The following MMP28 variants were observed in gnomAD, a reference collection of about 807,000 sequenced individuals.
MMP28 encodes matrix metallopeptidase 28.
A neutral mutation model predicts 60.5 loss-of-function variants in MMP28; 55 were observed. That is an observed-to-expected ratio of 0.91 (90% CI 0.73 to 1.14). The LOEUF is 1.14. Ranked by LOEUF, MMP28 falls within the 50% of genes most tolerant of loss-of-function variation. MMP28 has a pLI of 0.00. For missense variants in MMP28, 686 were observed against 738.3 expected (o/e 0.93, Z 0.82); for synonymous variants, 318 against 312.5 (o/e 1.02, Z -0.18).
intron 1 of MMP28, among the ~76,000 whole-genome samples, chr17:35,787,828 G>A (rs1220918588): frequency 2.7e-5 from 4 of 150,660 alleles, no homozygotes; most frequent in African/African-American, 7.3e-5. Context: ...TTCTGTCTAG[G>A]TGTAACCTAG....
intron 3 of MMP28, among the ~76,000 whole-genome samples, chr17:35,775,634 C>G (rs180899024): frequency 3.7e-4 from 56 of 152,310 alleles, no homozygotes; most frequent in African/African-American, 1.2e-3. Flanking sequence ...GCCTGTTTCC[C>G]TATGTGCAAA....
At chr17:35,762,106 T>G (rs587677917), downstream of MMP28, among the ~76,000 whole-genome samples, 21 of 152,304 alleles carry the variant, frequency 1.4e-4, no homozygotes, top group African/African-American at 4.6e-4. Context: ...TTCTCCTGCC[T>G]CAGCCTCCTG....
At chr17:35,771,074 C>T (rs769786200) in intron 4 of MMP28, among the ~76,000 whole-genome samples, 1 of 151,028 alleles carries the variant, frequency 6.6e-6, no homozygotes, top group African/African-American at 2.4e-5. Flanking sequence ...ACAACAACCA[C>T]GAAACAACAA....
At chr17:35,761,033 T>C, downstream of MMP28, 3 of 1,482,414 alleles carry the variant, frequency 2.0e-6, no homozygotes, top group South Asian at 2.7e-5. Context: ...CCCATCACCA[T>C]GAAGTCCAAC....
At chr17:35,769,863 G>T (rs2086065933) in intron 5 of MMP28, among the ~76,000 whole-genome samples, 1 of 150,422 alleles carries the variant, frequency 6.6e-6, no homozygotes, top group South Asian at 2.1e-4. Flanking sequence ...AGAGATGAGG[G>T]CCATGGACTC....
intron 3 of MMP28, among the ~76,000 whole-genome samples, chr17:35,778,300 G>C (rs986255207): frequency 2.6e-5 from 4 of 152,176 alleles, no homozygotes; most frequent in Admixed American, 1.3e-4. Flanking sequence ...GGCTAGGGGA[G>C]GGGGAGAAGG....
intron 4 of MMP28, among the ~76,000 whole-genome samples, chr17:35,771,710 TA>T (rs2086151995): frequency 3.5e-5 from 1 of 28,894 alleles, no homozygotes; most frequent in Non-Finnish European, 6.5e-5. Flanking sequence ...TATATATATA[TA>T]TATATATATA....
chr17:35,775,549 T>G (rs1555607394), intron 3 of MMP28, among the ~76,000 whole-genome samples: 1 of 152,244 alleles, frequency 6.6e-6, no homozygotes, highest in East Asian at 1.9e-4. Flanking sequence ...GAACTGACAC[T>G]GTGGAAAGAA....
rs569759057 is a variant in MMP28 at position 35,769,671 on chromosome 17, A to G, written c.850+396T>C. ...GGGAGAGCTAGTGGCTGGGGCAGGA[A>G]TGAAGGCTTTGGGGTCCGGGATGGG... On this transcript the variant is annotated intron_variant, in intron 5 of 7. Transcript: ENST00000605424. Among the ~76,000 whole-genome samples, 10 of 150,916 alleles carry G rather than the reference A, an allele frequency of 6.6e-5. No homozygotes were observed. In the South Asian group the frequency reaches 2.1e-3, roughly 32 times the overall value.
chr17:35,759,348 T>C (rs1356741601), intron 2 of MMP28, among the ~76,000 whole-genome samples: 8 of 152,138 alleles, frequency 5.3e-5, no homozygotes, highest in African/African-American at 7.2e-5. Context: ...TCTTGGAAAA[T>C]AGACGTAGTG....
chr17:35,756,745 G>A (rs1270273867), intron 2 of MMP28, among the ~76,000 whole-genome samples: 5 of 151,952 alleles, frequency 3.3e-5, no homozygotes, highest in African/African-American at 1.2e-4. Flanking sequence ...TGGGATTACA[G>A]GCGTGAGCCA....
intron 6 of MMP28, 125 bp from the exon 7 acceptor site, chr17:35,768,044 C>T (rs1020240803): frequency 1.2e-5 from 16 of 1,312,676 alleles, no homozygotes; most frequent in African/African-American, 1.2e-4. Context: ...GTACAGTTGG[C>T]GCAGAGGGGA....
chr17:35,769,132 G>T (rs1215145513), intron 5 of MMP28, among the ~76,000 whole-genome samples: 1 of 152,140 alleles, frequency 6.6e-6, no homozygotes, highest in Admixed American at 6.5e-5. Context: ...CTGAATCCCA[G>T]TCTGCAATTT....
chr17:35,793,637 G>C (rs1245735237), intron 1 of MMP28, among the ~76,000 whole-genome samples: 1 of 152,128 alleles, frequency 6.6e-6, no homozygotes, highest in Non-Finnish European at 1.5e-5. Flanking sequence ...GGCATTCGGA[G>C]AGGGCCCTCT....
chr17:35,761,996 T>C (rs1470271446), downstream of MMP28, among the ~76,000 whole-genome samples: 11 of 152,052 alleles, frequency 7.2e-5, no homozygotes, highest in Non-Finnish European at 1.2e-4. Flanking sequence ...TTCTTTCTTT[T>C]TTTCTTTTTT....
At chr17:35,764,038 G>A, downstream of MMP28, 5 of 1,547,684 alleles carry the variant, frequency 3.2e-6, no homozygotes, top group Non-Finnish European at 2.6e-6. Context: ...AGAAGGAAAC[G>A]GAAGAGCTCC....
intron 1 of MMP28, among the ~76,000 whole-genome samples, chr17:35,781,724 C>T (rs1448309190): frequency 1.3e-5 from 2 of 152,210 alleles, no homozygotes; most frequent in African/African-American, 4.8e-5. Flanking sequence ...AATTCTTCTA[C>T]AAGGAGAATT....
chr17:35,790,465 G>T (rs1414007851), intron 1 of MMP28, among the ~76,000 whole-genome samples: 3 of 152,194 alleles, frequency 2.0e-5, no homozygotes, highest in Non-Finnish European at 2.9e-5. Flanking sequence ...AAAAGAATGT[G>T]TATCTGGAGT....
At chr17:35,777,268 G>C (rs1037723305) in intron 3 of MMP28, among the ~76,000 whole-genome samples, 1 of 152,222 alleles carries the variant, frequency 6.6e-6, no homozygotes, top group Admixed American at 6.5e-5. Flanking sequence ...TGAACTCGTA[G>C]CTCTCTGCTC....
Sources: allele counts gnomAD v4.1 joint callset (sites outside exome capture counted in the v4.1 genomes callset), GRCh38; gene constraint gnomAD v4.1.1; transcripts MANE v1.5; gene names NCBI Gene and HGNC (gene_info 2026-07-23, HGNC 2026-07-21).